Variants in EDARADD observed in about 807,000 individuals in gnomAD.
EDARADD encodes the protein ectodysplasin-A receptor-associated adapter protein.
Under a neutral mutation model 25.6 loss-of-function variants are expected in EDARADD, and 20 were observed. The ratio of observed to expected loss-of-function variants is 0.78; its 90% CI spans 0.55 to 1.14. The LOEUF is 1.14. Ranked by LOEUF, EDARADD falls within the 50% of genes most tolerant of loss-of-function variation. The pLI is 0.00. For missense variants in EDARADD, 225 were observed against 270.1 expected, an observed-to-expected ratio of 0.83 and a Z score of 1.17; for synonymous variants, 86 against 94.4, an observed-to-expected ratio of 0.91 and a Z score of 0.52.
chr1:236,348,504 CG>C (rs1042209285), intron 1 of EDARADD, among the ~76,000 whole-genome samples: 10 of 152,356 alleles, frequency 6.6e-5, no homozygotes, highest in African/African-American at 2.4e-4. Context: ...CCCACATCCC[CG>C]GTTACAGCCT....
rs139521012 is a variant in EDARADD at position 236,397,247 on chromosome 1, A to G, written c.61+2742A>G. On this transcript the variant is annotated intron_variant, in intron 1 of 5. Transcript: ENST00000334232. The stretch of plus-strand genomic sequence containing the variant: ...CAACATAGTGAGACCCTGACTCTAC[A>G]AAAAATAGAAAAATTAGCCAAATGT... Among the ~76,000 whole-genome samples, 694 of 152,010 alleles carry G rather than the reference A, an allele frequency of 4.6e-3. 4 individuals are homozygous for G. The highest frequency in any genetic ancestry group is 0.016 in the African/African-American group (665 of 41,448).
intron 3 of EDARADD, among the ~76,000 whole-genome samples, chr1:236,377,732 T>C (rs1013872793): frequency 2.0e-5 from 3 of 151,526 alleles, no homozygotes; most frequent in Non-Finnish European, 1.5e-5. Context: ...GTGGCGCATG[T>C]CTGTAGTCCC....
intron 1 of EDARADD, among the ~76,000 whole-genome samples, chr1:236,405,522 G>T (rs1296252149): frequency 1.3e-5 from 2 of 152,166 alleles, no homozygotes; most frequent in African/African-American, 4.8e-5. Context: ...AAGCTTACGT[G>T]ACTTCTCCAA....
At chr1:236,450,669 C>T (rs891578864) in intron 4 of EDARADD, among the ~76,000 whole-genome samples, 2 of 151,794 alleles carry the variant, frequency 1.3e-5, no homozygotes, top group African/African-American at 4.8e-5. Context: ...CTGCCTCAGC[C>T]TCCCGAGTAG....
At chr1:236,378,869 T>C (rs1201120510) in intron 3 of EDARADD, among the ~76,000 whole-genome samples, 1 of 152,118 alleles carries the variant, frequency 6.6e-6, no homozygotes, top group Non-Finnish European at 1.5e-5. Flanking sequence ...CTTTTTATAT[T>C]CAAAATTTAG....
At position 236,395,604 on chromosome 1, in the gene EDARADD, C is replaced by T; in HGVS notation, c.61+1099C>T. On this transcript the variant is annotated intron_variant, in intron 1 of 5. Transcript: ENST00000334232. The surrounding 1 kb of genome is among the most constrained non-coding windows in gnomAD (Gnocchi z 6.9). The stretch of plus-strand genomic sequence containing the variant: ...CGGAGGCCTGCCAGCCCCGCTCGGA[C>T]GCTCGTTTGCCCCTAACCCGCCGCC... 1 of 1,557,646 alleles carries T rather than the reference C, an allele frequency of 6.4e-7. No homozygotes were observed. The highest frequency in any genetic ancestry group is 1.2e-5 in the South Asian group (1 of 84,792).
intron 3 of EDARADD, among the ~76,000 whole-genome samples, chr1:236,424,130 T>C (rs1290174118): frequency 6.7e-6 from 1 of 150,108 alleles, no homozygotes; most frequent in African/African-American, 2.4e-5. Flanking sequence ...TAAAATAAAA[T>C]TGTAGTAATC....
Position 236,395,642 on chromosome 1 carries a change from G to A in EDARADD, c.61+1137G>A. ...CTAACCCGCCGCCATGGCTTCACCG[G>A]ACGACCCTCTGCGCGCAGGTAAAGG... On this transcript the variant is annotated intron_variant, in intron 1 of 5. Coordinates refer to ENST00000334232, the MANE Select transcript of EDARADD (RefSeq NM_145861.4). This position sits in a 1 kb window ranked among gnomAD's most constrained non-coding sequence, Gnocchi z 6.9. The A allele has an allele frequency of 6.3e-7, 1 of 1,576,182 alleles. No homozygotes were observed.
intron 4 of EDARADD, among the ~76,000 whole-genome samples, chr1:236,434,243 G>A (rs985310400): frequency 4.0e-5 from 6 of 149,706 alleles, no homozygotes; most frequent in Admixed American, 3.3e-4. Context: ...GAATTTTTTT[G>A]CTTTTTTTTT....
At chr1:236,375,217 C>T (rs1667212758) in intron 3 of EDARADD, among the ~76,000 whole-genome samples, 1 of 152,090 alleles carries the variant, frequency 6.6e-6, no homozygotes, top group South Asian at 2.1e-4. Context: ...TTATTCTTCC[C>T]TCCTATTTCT....
At chr1:236,469,770 C>A (rs1401402848) in intron 5 of EDARADD, among the ~76,000 whole-genome samples, 1 of 151,414 alleles carries the variant, frequency 6.6e-6, no homozygotes, top group East Asian at 1.9e-4. Flanking sequence ...AGGTGCAGTT[C>A]TGGGTGATTT....
At chr1:236,369,203 A>G (rs1667146808) in intron 3 of EDARADD, among the ~76,000 whole-genome samples, 2 of 152,264 alleles carry the variant, frequency 1.3e-5, no homozygotes, top group African/African-American at 4.8e-5. Flanking sequence ...CCCTTCACAT[A>G]CATTTTAACA....
intron 3 of EDARADD, among the ~76,000 whole-genome samples, chr1:236,359,212 G>A (rs1667017516): frequency 6.6e-6 from 1 of 152,112 alleles, no homozygotes. Context: ...CCTATTGGCT[G>A]CACACTGTCC....
intron 3 of EDARADD, among the ~76,000 whole-genome samples, chr1:236,377,553 C>T (rs968224149): frequency 9.9e-5 from 15 of 151,328 alleles, no homozygotes; most frequent in African/African-American, 2.4e-4. Context: ...GATGCTTGCC[C>T]GGTCTCTTCA....
chr1:236,450,674 G>A (rs1214429887), intron 4 of EDARADD, among the ~76,000 whole-genome samples: 1 of 151,148 alleles, frequency 6.6e-6, no homozygotes, highest in South Asian at 2.1e-4. Context: ...TCAGCCTCCC[G>A]AGTAGCTGGG....
In EDARADD at chr1:236,474,208, ATT is replaced by A. The variant is rs1571957720; in HGVS notation, c.265+5933_265+5934del. 7.2e-5 allele frequency among the ~76,000 whole-genome samples: 11 copies of A among 152,274 alleles called. No homozygotes were observed. In the East Asian group the frequency reaches 2.1e-3, roughly 29 times the overall value. The stretch of plus-strand genomic sequence containing the variant: ...AGGACTCAGGGCAGGGCTACCATAC[ATT>A]AGGCACAAGAATTTTGATAGTGATA... On this transcript the variant is annotated intron_variant, in intron 5 of 5. Transcript: ENST00000334232.
intron 4 of EDARADD, among the ~76,000 whole-genome samples, chr1:236,466,827 G>A (rs1021573398): frequency 3.3e-5 from 5 of 152,182 alleles, no homozygotes; most frequent in Non-Finnish European, 7.3e-5. Context: ...CCAACACTTT[G>A]GGAGGCCAAG....
Position 236,482,763 on chromosome 1 carries a change from C to A in EDARADD, c.*114C>A. The A allele has an allele frequency of 6.6e-7, 1 of 1,508,540 alleles. No homozygotes were observed. The allele number at this position is 1,508,540 out of a possible 1,614,324, so 93.4% of individuals were successfully genotyped here. On this transcript the variant is annotated 3_prime_UTR_variant, in exon 6 of 6. Coordinates refer to ENST00000334232, the MANE Select transcript of EDARADD (RefSeq NM_145861.4). ...TAGGACAAGGACGTGGAACAGTGGA[C>A]ACTGGTTTTCCCCAAAGCTGGCAGT... is the stretch of plus-strand genomic sequence containing the variant.
chr1:236,404,108 C>T (rs573509466), intron 1 of EDARADD, among the ~76,000 whole-genome samples: 3 of 152,308 alleles, frequency 2.0e-5, no homozygotes, highest in South Asian at 2.1e-4. Context: ...GATGGGCTCA[C>T]GTGGCCCCGC....
Sources: gnomAD v4.1 joint callset for allele counts (sites outside exome capture counted in the v4.1 genomes callset) on GRCh38, gnomAD v4.1.1 for gene constraint, Gnocchi (gnomAD v3.1) non-coding constraint, MANE v1.5 for transcripts, NCBI Gene and HGNC (gene_info 2026-07-23, HGNC 2026-07-21) for gene names.